MNAT1: variants seen among roughly 807,000 people sequenced by gnomAD.
The protein encoded by MNAT1 is MNAT1 component of CDK activating kinase, also known as CDK-activating kinase assembly factor MAT1.
In MNAT1, 43 loss-of-function variants were observed where a neutral mutation model predicts 42.0. That is an observed-to-expected ratio of 1.02 (90% CI 0.80 to 1.32). The LOEUF (loss-of-function observed/expected upper bound fraction) is 1.32. Ranked by LOEUF, MNAT1 falls within the 40% of genes most tolerant of loss-of-function variation. The pLI is 0.00. For synonymous variants in MNAT1, 118 were observed against 120.0 expected (o/e 0.98, Z 0.11); for missense variants, 306 against 350.4 (o/e 0.87, Z 1.01).
At chr14:60,861,573 T>TG (rs1566799706) in intron 6 of MNAT1, among the ~76,000 whole-genome samples, 16 of 152,094 alleles carry the variant, frequency 1.1e-4, no homozygotes, top group Admixed American at 2.6e-4. Flanking sequence ...TTAAAAAAAT[T>TG]TGAAAAGGTC....
chr14:60,936,825 A>G lies in MNAT1; in HGVS notation c.810-31404A>G, dbSNP rs138974890. Among the ~76,000 whole-genome samples, 779 of 152,256 alleles carry G rather than the reference A, an allele frequency of 5.1e-3. 10 individuals are homozygous for G. Among genetic ancestry groups the G allele is most frequent in the African/African-American group, 0.017 (700 of 41,520 alleles). On this transcript the variant is annotated intron_variant, in intron 7 of 7. Coordinates refer to ENST00000261245, the MANE Select transcript of MNAT1 (RefSeq NM_002431.4). ...CACCGACTTCCACAGTGGTTGAACT[A>G]GTTTACAGTCCCACCAACAGTGTAA...
intron 6 of MNAT1, among the ~76,000 whole-genome samples, chr14:60,837,961 G>T (rs2033438972): frequency 6.6e-6 from 1 of 152,140 alleles, no homozygotes; most frequent in Non-Finnish European, 1.5e-5. Context: ...AAGACCTGTA[G>T]CCTTTGTAAG....
chr14:60,746,965 CACACACA>C (rs2140288907), intron 1 of MNAT1, among the ~76,000 whole-genome samples: 1 of 44,900 alleles, frequency 2.2e-5, no homozygotes, highest in Non-Finnish European at 6.3e-5. Context: ...CACACACACA[CACACACA>C]CACACAAAAT....
intron 7 of MNAT1, among the ~76,000 whole-genome samples, chr14:60,929,170 AATATATAT>A (rs57354716): frequency 1.5e-4 from 7 of 47,464 alleles, no homozygotes; most frequent in African/African-American, 8.2e-4. Flanking sequence ...AAAAAAAAAA[AATATATAT>A]ATATATATAT....
At chr14:60,817,223 A>AT (rs1455089296) in intron 5 of MNAT1, among the ~76,000 whole-genome samples, 1 of 151,778 alleles carries the variant, frequency 6.6e-6, no homozygotes, top group African/African-American at 2.4e-5. Flanking sequence ...ATGTTCTTTA[A>AT]TTTTATATTT....
chr14:60,954,293 T>G (rs1333968182), intron 7 of MNAT1, among the ~76,000 whole-genome samples: 1 of 152,196 alleles, frequency 6.6e-6, no homozygotes, highest in Non-Finnish European at 1.5e-5. Flanking sequence ...ATGGAATCAT[T>G]GAATCTGTTG....
chr14:60,869,455 A>G (rs1048203965), intron 6 of MNAT1, among the ~76,000 whole-genome samples: 11 of 152,238 alleles, frequency 7.2e-5, no homozygotes, highest in Admixed American at 7.2e-4. Context: ...AGGGCCTTAC[A>G]CTCTAATGGG....
rs2036589746 is a variant in MNAT1 at position 60,961,418 on chromosome 14, A to G, written c.810-6811A>G. On this transcript the variant is annotated intron_variant, in intron 7 of 7. Transcript: ENST00000261245. ...AAACCACCTGTCCCCTATATTCTCA[A>G]TATGTACTGTGTCTCCTTACTCCTT... Among the ~76,000 whole-genome samples, 3 of 152,186 alleles carry G rather than the reference A, an allele frequency of 2.0e-5. No homozygotes were observed. The South Asian group carries it at 6.2e-4, about 32-fold the overall frequency.
chr14:60,783,402 G>T (rs1170235417), intron 1 of MNAT1, among the ~76,000 whole-genome samples: 1 of 152,204 alleles, frequency 6.6e-6, no homozygotes, highest in Non-Finnish European at 1.5e-5. Context: ...TGGTCTTTAT[G>T]TAGACCATGC....
At chr14:60,855,787 T>G (rs2033943968) in intron 6 of MNAT1, among the ~76,000 whole-genome samples, 1 of 152,198 alleles carries the variant, frequency 6.6e-6, no homozygotes. Flanking sequence ...TTTATTATTA[T>G]CATATCTGTT....
intron 1 of MNAT1, among the ~76,000 whole-genome samples, chr14:60,786,600 C>T (rs961181027): frequency 6.6e-6 from 1 of 152,066 alleles, no homozygotes; most frequent in African/African-American, 2.4e-5. Flanking sequence ...AATTATAAAC[C>T]TATTACATGT....
In MNAT1 at chr14:60,903,521, T is replaced by TA. The variant is rs552368199; in HGVS notation, c.809+23687dup. 7.2e-5 allele frequency among the ~76,000 whole-genome samples: 11 copies of TA among 152,276 alleles called. 1 individual carries two copies. The highest frequency in any genetic ancestry group is 2.6e-4 in the African/African-American group (11 of 41,568). The stretch of plus-strand genomic sequence containing the variant: ...CAGCTATATGAAAGCATAATTCACA[T>TA]ACAATAAAATACCTATTTTATTGTA... On this transcript the variant is annotated intron_variant, in intron 7 of 7. Coordinates refer to ENST00000261245, the MANE Select transcript of MNAT1 (RefSeq NM_002431.4).
intron 3 of MNAT1, among the ~76,000 whole-genome samples, chr14:60,800,121 A>G (rs2032155096): frequency 6.6e-6 from 1 of 152,038 alleles, no homozygotes; most frequent in Admixed American, 6.6e-5. Context: ...TTGTTATTGT[A>G]GTTATGTAGT....
At chr14:60,905,396 A>G (rs2035173805) in intron 7 of MNAT1, among the ~76,000 whole-genome samples, 1 of 152,210 alleles carries the variant, frequency 6.6e-6, no homozygotes, top group African/African-American at 2.4e-5. Flanking sequence ...CCTGTTAGAT[A>G]TAGCAGATAA....
chr14:60,853,218 C>T (rs1159688105), intron 6 of MNAT1, among the ~76,000 whole-genome samples: 2 of 152,090 alleles, frequency 1.3e-5, no homozygotes, highest in Non-Finnish European at 2.9e-5. Context: ...TCTCTTATTT[C>T]CTTGAGCAGT....
intron 3 of MNAT1, among the ~76,000 whole-genome samples, chr14:60,801,807 A>T (rs191512356): frequency 6.6e-6 from 1 of 152,342 alleles, no homozygotes; most frequent in East Asian, 1.9e-4. Context: ...CATATGATCC[A>T]GTAATCCCAC....
chr14:60,955,208 A>G (rs547996438), intron 7 of MNAT1, among the ~76,000 whole-genome samples: 2 of 152,134 alleles, frequency 1.3e-5, no homozygotes, highest in Admixed American at 6.5e-5. Context: ...GTATTAGGGT[A>G]ATGCAGGCCT....
chr14:60,863,526 T>G (rs73311473), intron 6 of MNAT1, among the ~76,000 whole-genome samples: 108 of 152,294 alleles, frequency 7.1e-4, no homozygotes, highest in African/African-American at 2.6e-3. Context: ...AAAGCTGTTT[T>G]ACTAAACTCT....
At chr14:60,906,907 T>G (rs1456833446) in intron 7 of MNAT1, among the ~76,000 whole-genome samples, 1 of 152,336 alleles carries the variant, frequency 6.6e-6, no homozygotes, top group East Asian at 1.9e-4. Flanking sequence ...ATTTTATGTA[T>G]GCAGAAATTA....
Sources: allele counts gnomAD v4.1 joint callset (sites outside exome capture counted in the v4.1 genomes callset), GRCh38; gene constraint gnomAD v4.1.1; transcripts MANE v1.5; gene names NCBI Gene and HGNC (gene_info 2026-07-23, HGNC 2026-07-21).